RAB2A: variants seen among roughly 807,000 people sequenced by gnomAD.
The protein encoded by RAB2A is ras-related protein Rab-2A.
RAB2A carries 7 observed loss-of-function variants against 32.5 expected under a neutral mutation model. The ratio of observed to expected loss-of-function variants is 0.22; its 90% CI spans 0.12 to 0.40. The LOEUF (loss-of-function observed/expected upper bound fraction) is 0.40, where lower values mean the gene tolerates loss of function less well. Among genes scored for constraint, RAB2A ranks in the 10% least tolerant of loss-of-function variants. The pLI, the probability that RAB2A is intolerant of heterozygous loss-of-function variation, is 1.00. For synonymous variants in RAB2A, 79 were observed against 85.2 expected (o/e 0.93, Z 0.40); for missense variants, 108 against 260.7 (o/e 0.41, Z 4.03).
intron 3 of RAB2A, among the ~76,000 whole-genome samples, chr8:60,582,602 G>GCCTCCTCACCTGGGCTCAGATGAT (rs1331740350): frequency 2.6e-5 from 4 of 151,986 alleles, no homozygotes; most frequent in Non-Finnish European, 5.9e-5. Flanking sequence ...TCTCCCTGCA[G>GCCTCCTCACCTGGGCTCAGATGAT]CCTCCTCACC....
chr8:60,586,592 A>G (rs1229880885), intron 5 of RAB2A, among the ~76,000 whole-genome samples: 1 of 152,092 alleles, frequency 6.6e-6, no homozygotes, highest in East Asian at 1.9e-4. Context: ...TTGTAAAACT[A>G]AATATAAGAT....
At chr8:60,594,395 C>A (rs78723999) in intron 6 of RAB2A, among the ~76,000 whole-genome samples, 2 of 152,066 alleles carry the variant, frequency 1.3e-5, no homozygotes, top group Non-Finnish European at 2.9e-5. Context: ...TAGCACCCTA[C>A]GTATAGGGGA....
chr8:60,535,451 C>G (rs896772110), intron 1 of RAB2A, among the ~76,000 whole-genome samples: 1 of 152,220 alleles, frequency 6.6e-6, no homozygotes, highest in Non-Finnish European at 1.5e-5. Flanking sequence ...ACAATCACTA[C>G]TGTTCTACAA....
chr8:60,526,020 C>CATAT (rs146162692), intron 1 of RAB2A, among the ~76,000 whole-genome samples: 4,183 of 91,926 alleles, frequency 0.046, 168 homozygotes, highest in East Asian at 0.058. Flanking sequence ...TGTGTGTGTA[C>CATAT]ATATATATAT....
At chr8:60,616,034 A>T (rs941748351) in intron 6 of RAB2A, among the ~76,000 whole-genome samples, 5 of 152,186 alleles carry the variant, frequency 3.3e-5, no homozygotes, top group African/African-American at 9.7e-5. Flanking sequence ...ACGACCAAGT[A>T]ATGTAGCATT....
intron 1 of RAB2A, among the ~76,000 whole-genome samples, chr8:60,519,859 A>G (rs1485767029): frequency 1.3e-5 from 2 of 152,156 alleles, no homozygotes; most frequent in Admixed American, 6.5e-5. Context: ...GTTGTTGCCC[A>G]GTTCTGCCAC....
intron 3 of RAB2A, 81 bp downstream of exon 3, chr8:60,572,194 T>C (rs991752373): frequency 9.8e-5 from 104 of 1,058,642 alleles, no homozygotes; most frequent in Non-Finnish European, 1.4e-4. Context: ...TTAATGTTAT[T>C]ATATGCCTGT....
chr8:60,523,544 A>G (rs748856914), intron 1 of RAB2A, among the ~76,000 whole-genome samples: 1 of 152,106 alleles, frequency 6.6e-6, no homozygotes. Flanking sequence ...GCTTTTCTTC[A>G]TAGTTGTATC....
At chr8:60,607,604 A>G (rs1804256747) in intron 6 of RAB2A, among the ~76,000 whole-genome samples, 1 of 152,040 alleles carries the variant, frequency 6.6e-6, no homozygotes, top group South Asian at 2.1e-4. Context: ...TTTTGACCAG[A>G]GCTTCCCAAA....
intron 1 of RAB2A, among the ~76,000 whole-genome samples, chr8:60,530,613 G>A (rs960889290): frequency 6.6e-6 from 1 of 151,778 alleles, no homozygotes; most frequent in Non-Finnish European, 1.5e-5. Flanking sequence ...TTTAAAAAAG[G>A]CCTATTTTTT....
At chr8:60,587,557 CACTATTATACAACATCGTG>C (rs1168613266) in intron 5 of RAB2A, among the ~76,000 whole-genome samples, 1 of 152,268 alleles carries the variant, frequency 6.6e-6, no homozygotes, top group Non-Finnish European at 1.5e-5. Context: ...AAGACGGTTA[CACTATTATACAACATCGTG>C]ACATGGTTAA....
chr8:60,613,425 T>C (rs1186956622), intron 6 of RAB2A, among the ~76,000 whole-genome samples: 1 of 152,228 alleles, frequency 6.6e-6, no homozygotes, highest in Non-Finnish European at 1.5e-5. Flanking sequence ...ATCTTTCCTT[T>C]ATTAGGATCA....
At chr8:60,522,994 T>A (rs1270190532) in intron 1 of RAB2A, among the ~76,000 whole-genome samples, 1 of 152,140 alleles carries the variant, frequency 6.6e-6, no homozygotes, top group Non-Finnish European at 1.5e-5. Flanking sequence ...TTTGTTAGAA[T>A]TACCTTCAAA....
Position 60,623,364 on chromosome 8 carries a change from A to G in RAB2A, c.*2595A>G, listed in dbSNP as rs1423318342. The G allele has an allele frequency of 6.6e-6, 1 of 152,238 alleles. No individual in the cohort carries two copies. The highest frequency in any genetic ancestry group is 1.5e-5 in the Non-Finnish European group (1 of 68,052). 9.4% of individuals were successfully genotyped at this position (152,238 alleles called of 1,614,324 possible). On this transcript the variant is annotated 3_prime_UTR_variant, in exon 8 of 8. Coordinates refer to ENST00000262646, the MANE Select transcript of RAB2A (RefSeq NM_002865.3). ...ACCAAAATGTTTCCAATCACTCAGAAAAACTGATTCATGTCTGGCTTTGCA... is the reference window on the plus strand; with the variant it reads ...ACCAAAATGTTTCCAATCACTCAGAGAAACTGATTCATGTCTGGCTTTGCA...
At chr8:60,566,205 A>C (rs1250782159) in intron 2 of RAB2A, among the ~76,000 whole-genome samples, 1 of 152,148 alleles carries the variant, frequency 6.6e-6, no homozygotes, top group Non-Finnish European at 1.5e-5. Context: ...CACACACACA[A>C]AGCTGTTCTA....
At chr8:60,558,221 G>A (rs555293181) in intron 1 of RAB2A, among the ~76,000 whole-genome samples, 1 of 152,274 alleles carries the variant, frequency 6.6e-6, no homozygotes, top group South Asian at 2.1e-4. Flanking sequence ...GAGTAAGAAG[G>A]GGGTATGGTA....
chr8:60,537,349 G>A (rs1807573936), intron 1 of RAB2A, among the ~76,000 whole-genome samples: 1 of 152,024 alleles, frequency 6.6e-6, no homozygotes, highest in African/African-American at 2.4e-5. Context: ...AGCCTCCCAA[G>A]TAGCTGGGAT....
At chr8:60,560,079 CTTTGT>C (rs1187706532) in intron 2 of RAB2A, among the ~76,000 whole-genome samples, 3 of 151,972 alleles carry the variant, frequency 2.0e-5, no homozygotes, top group East Asian at 1.9e-4. Context: ...GTCCTGATAA[CTTTGT>C]TTTAACATTT....
At chr8:60,565,468 T>C (rs1808095928) in intron 2 of RAB2A, among the ~76,000 whole-genome samples, 2 of 150,956 alleles carry the variant, frequency 1.3e-5, no homozygotes, top group Non-Finnish European at 3.0e-5. Flanking sequence ...AATGAAAGTA[T>C]ACTTTTAGGA....
Sources: gnomAD v4.1 joint callset for allele counts (sites outside exome capture counted in the v4.1 genomes callset) on GRCh38, gnomAD v4.1.1 for gene constraint, MANE v1.5 for transcripts, NCBI Gene and HGNC (gene_info 2026-07-23, HGNC 2026-07-21) for gene names.